Variants in SLC45A2 observed in about 807,000 individuals in gnomAD.
SLC45A2 encodes membrane-associated transporter protein.
In SLC45A2, 36 loss-of-function variants were observed where a neutral mutation model predicts 45.5. The ratio of observed to expected loss-of-function variants is 0.79; its 90% confidence interval spans 0.61 to 1.04. The LOEUF (loss-of-function observed/expected upper bound fraction) is 1.04, where lower values mean the gene tolerates loss of function less well. Ranked by LOEUF, SLC45A2 falls within the 50% of genes least tolerant of loss-of-function variation. The probability of loss-of-function intolerance (pLI) is 0.00; values close to 1 mark genes in which losing one functional copy is unlikely to be tolerated. For missense variants in SLC45A2, 719 were observed against 671.0 expected (o/e 1.07, Z -0.79); for synonymous variants, 306 against 269.3 (o/e 1.14, Z -1.33).
chr5:33,962,383 G>A (rs1331820954), intron 3 of SLC45A2, among the ~76,000 whole-genome samples: 1 of 152,182 alleles, frequency 6.6e-6, no homozygotes, highest in Non-Finnish European at 1.5e-5. Flanking sequence ...AAGTGTCTTT[G>A]TATGCTTTAT....
At chr5:33,959,246 G>A (rs1026636314) in intron 3 of SLC45A2, among the ~76,000 whole-genome samples, 7 of 152,016 alleles carry the variant, frequency 4.6e-5, no homozygotes, top group African/African-American at 1.7e-4. Flanking sequence ...TGCATGTAAT[G>A]TATATTTTAC....
At chr5:33,975,074 G>C (rs181237114) in intron 2 of SLC45A2, among the ~76,000 whole-genome samples, 1 of 151,314 alleles carries the variant, frequency 6.6e-6, no homozygotes, top group Non-Finnish European at 1.5e-5. Context: ...GATGTTTTAA[G>C]TTGTTTTTCT....
At chr5:33,966,310 A>T (rs1380332367) in intron 2 of SLC45A2, among the ~76,000 whole-genome samples, 1 of 152,088 alleles carries the variant, frequency 6.6e-6, no homozygotes, top group Non-Finnish European at 1.5e-5. Flanking sequence ...CACTAAATAT[A>T]TGTAAATGAC....
rs182859152 is a variant in SLC45A2, at chr5:33,961,825, T to G, written c.888+1866A>C. On this transcript the variant is annotated intron_variant, in intron 3 of 6. Transcript: ENST00000296589. ...TACCCCTTTCCTGGCTGTTCCCAGA[T>G]AGTGACTAACAAGACGGGGGGTATT... Among the ~76,000 whole-genome samples the G allele has an allele frequency of 1.8e-4, 27 of 152,280 alleles. No individual in the cohort carries two copies. In the East Asian group the frequency reaches 3.5e-3, roughly 20 times the overall value.
intron 2 of SLC45A2, among the ~76,000 whole-genome samples, chr5:33,975,043 T>C (rs1752887127): frequency 6.7e-6 from 1 of 150,244 alleles, no homozygotes; most frequent in South Asian, 2.1e-4. Flanking sequence ...GAGACTCCAC[T>C]GCACTGTCCT....
At chr5:33,954,536 T>G in intron 3 of SLC45A2, 32 bp from the exon 4 acceptor site, 1 of 1,612,508 alleles carries the variant, frequency 6.2e-7, no homozygotes, top group Non-Finnish European at 8.5e-7. Context: ...AGGTGTGATC[T>G]TCACTGCAGA....
intron 6 of SLC45A2, 133 bp downstream of exon 6, chr5:33,947,030 G>C (rs1450043771): frequency 2.5e-6 from 4 of 1,602,386 alleles, no homozygotes; most frequent in Non-Finnish European, 3.4e-6. Context: ...GGTTGCAGTT[G>C]GTTGGGCATT....
chr5:33,958,887 C>T lies in SLC45A2; in HGVS notation c.889-4383G>A, dbSNP rs369545225. On this transcript the variant is annotated intron_variant, in intron 3 of 6. Coordinates refer to ENST00000296589, the MANE Select transcript of SLC45A2 (RefSeq NM_016180.5). ...TGGATGGGACGACCCCTGTCCTATG[C>T]GACTCTTGGAGGGGGAGTCCCAGTC... is the stretch of plus-strand genomic sequence containing the variant. 7.7e-4 allele frequency among the ~76,000 whole-genome samples: 117 copies of T among 152,280 alleles called. No individual in the cohort carries two copies. In the Middle Eastern group the frequency reaches 0.017, roughly 22 times the overall value.
intron 6 of SLC45A2, chr5:33,946,682 T>C (rs1579531389): frequency 1.9e-6 from 2 of 1,027,088 alleles, no homozygotes; most frequent in Admixed American, 5.1e-5. Flanking sequence ...CTGGACTCCA[T>C]TGCCTAGGAC....
rs775554802 is a variant in SLC45A2, at chr5:33,963,671, A to T, written c.888+20T>A. ...AGCAAGAATATTTTCCCTTGTAAAG[A>T]AAAAATGTTGCATCTTTACCTGTTC... On this transcript the variant is annotated intron_variant, in intron 3 of 6. Coordinates refer to ENST00000296589, the MANE Select transcript of SLC45A2 (RefSeq NM_016180.5). 8 of 1,611,572 alleles carry T rather than the reference A, an allele frequency of 5.0e-6. No homozygotes were observed. In the Admixed American group the frequency reaches 6.7e-5, roughly 13 times the overall value.
chr5:33,944,776 G>C lies in SLC45A2; in HGVS notation c.1465C>G (p.Leu489Val). ...LTCMVQLAQI[L>V]VGGGLGFLVN... ...AGAAAGCCCAGGCCACCTCCGACCA[G>C]GATCTGAGCCAGCTGCACCATGCAT... The change falls in exon 7 of 7, where the codon CTG becomes GTG. Residue 489 changes from leucine (L) to valine (V), a missense_variant. Transcript: ENST00000296589. 1 of 1,614,208 alleles carries C rather than the reference G, an allele frequency of 6.2e-7. No homozygotes were observed. The highest frequency in any genetic ancestry group is 1.3e-5 in the African/African-American group (1 of 75,060).
intron 2 of SLC45A2, among the ~76,000 whole-genome samples, chr5:33,968,625 G>A (rs1241881366): frequency 2.0e-5 from 3 of 149,066 alleles, no homozygotes; most frequent in Non-Finnish European, 4.4e-5. Flanking sequence ...ATAGAAATAT[G>A]TAAAAAATTG....
chr5:33,964,020 G>T lies in SLC45A2; in HGVS notation c.563-4C>A. The T allele has an allele frequency of 1.9e-6, 3 of 1,613,552 alleles. No homozygotes were observed. The highest frequency in any genetic ancestry group is 2.5e-6 in the Non-Finnish European group (3 of 1,179,640). On this transcript the variant is annotated splice_polypyrimidine_tract_variant and splice_region_variant and intron_variant, in intron 2 of 6. Coordinates refer to ENST00000296589, the MANE Select transcript of SLC45A2 (RefSeq NM_016180.5). ...TAACCCAGGGCACCTCCAAAACCTG[G>T]AAAGCAAGAAAAGCTATGTTAGCAT... is the stretch of plus-strand genomic sequence containing the variant.
chr5:33,947,086 C>T, intron 6 of SLC45A2, 77 bp downstream of exon 6: 1 of 1,613,892 alleles, frequency 6.2e-7, no homozygotes, highest in Non-Finnish European at 8.5e-7. Context: ...CTCTGCTCTA[C>T]ACATTGCTAC....
At chr5:33,968,594 T>C (rs1335831634) in intron 2 of SLC45A2, among the ~76,000 whole-genome samples, 3 of 152,226 alleles carry the variant, frequency 2.0e-5, no homozygotes, top group African/African-American at 7.2e-5. Flanking sequence ...CAGTGGCCCA[T>C]ACTGGAAGAA....
In SLC45A2 at chr5:33,963,944, C is replaced by T. The variant is rs1752525550; in HGVS notation, c.635G>A (p.Gly212Asp). The T allele has an allele frequency of 6.2e-7, 1 of 1,614,116 alleles. No individual in the cohort carries two copies. The highest frequency in any genetic ancestry group is 8.5e-7 in the Non-Finnish European group (1 of 1,179,998). ...GAAGAACATGACCTGGAATTCTGTACCCAACAGTCTTCCCAGCTCCAGATG... is the reference window on the plus strand; with the variant it reads ...GAAGAACATGACCTGGAATTCTGTATCCAACAGTCTTCCCAGCTCCAGATG... ...WAHLELGRLL[G>D]TEFQVMFFFS... The change falls in exon 3 of 7, where the codon GGT (glycine) becomes GAT (aspartate). Residue 212 changes from glycine to aspartate, a missense_variant. Coordinates refer to ENST00000296589, the MANE Select transcript of SLC45A2 (RefSeq NM_016180.5).
intron 6 of SLC45A2, chr5:33,946,939 C>T: frequency 6.9e-7 from 1 of 1,457,140 alleles, no homozygotes; most frequent in Non-Finnish European, 9.0e-7. Context: ...CTACAGCTCC[C>T]TAAGTGAGCA....
At chr5:33,974,781 T>C (rs1752876099) in intron 2 of SLC45A2, among the ~76,000 whole-genome samples, 1 of 152,158 alleles carries the variant, frequency 6.6e-6, no homozygotes, top group South Asian at 2.1e-4. Context: ...CTATTCACAC[T>C]TTGAACACAG....
chr5:33,956,286 G>A (rs757994421), intron 3 of SLC45A2, among the ~76,000 whole-genome samples: 15 of 152,064 alleles, frequency 9.9e-5, no homozygotes, highest in Non-Finnish European at 1.0e-4. Context: ...TAAACATGCA[G>A]GATCAAGATC....
Sources: allele counts gnomAD v4.1 joint callset (sites outside exome capture counted in the v4.1 genomes callset), GRCh38; gene constraint gnomAD v4.1.1; transcripts MANE v1.5; gene names NCBI Gene and HGNC (gene_info 2026-07-23, HGNC 2026-07-21).